The following RTL4 variants were observed in gnomAD, a reference collection of about 807,000 sequenced individuals.
The protein encoded by RTL4 is retrotransposon Gag like 4.
Under a neutral mutation model 5.3 loss-of-function variants are expected in RTL4, and 4 were observed. That is an observed-to-expected ratio of 0.75 (90% CI 0.37 to 1.72). The LOEUF is 1.72. RTL4 is among the 40% of genes most tolerant of loss of function. RTL4 has a pLI of 0.04. For synonymous variants in RTL4, 98 were observed against 87.3 expected (o/e 1.12, Z -0.68); for missense variants, 260 against 227.1 (o/e 1.14, Z -0.93).
the RTL4 span, among the ~76,000 whole-genome samples, chrX:112,130,216 C>CACTAGTTG: frequency 9.1e-6 from 1 of 109,653 alleles, no homozygotes; most frequent in East Asian, 2.8e-4. Context: ...GAAAAATCTG[C>CACTAGTTG]ACTAGTTGAT....
the RTL4 span, among the ~76,000 whole-genome samples, chrX:112,238,882 GCTATCCCATCC>G: frequency 9.0e-6 from 1 of 111,601 alleles, no homozygotes; most frequent in Non-Finnish European, 1.9e-5. Context: ...TAATGGAAAA[GCTATCCCATCC>G]CTCATGGTTT....
the RTL4 span, among the ~76,000 whole-genome samples, chrX:112,301,936 C>T: frequency 1.9e-5 from 2 of 106,634 alleles, no homozygotes; most frequent in Non-Finnish European, 3.9e-5. Context: ...AATGCTTTAG[C>T]CTGGGTGATA....
At chrX:112,389,071 G>A in the RTL4 span, among the ~76,000 whole-genome samples, 3 of 109,712 alleles carry the variant, frequency 2.7e-5, no homozygotes, top group Non-Finnish European at 5.7e-5. Flanking sequence ...CTTTTTGGTT[G>A]GTAAATTATT....
the RTL4 span, among the ~76,000 whole-genome samples, chrX:112,102,196 A>G: frequency 9.0e-6 from 1 of 111,527 alleles, no homozygotes; most frequent in Non-Finnish European, 1.9e-5. Flanking sequence ...ACAAGAATCT[A>G]ATGAAGTGGG....
chrX:112,303,620 G>T, the RTL4 span, among the ~76,000 whole-genome samples: 1 of 55,401 alleles, frequency 1.8e-5, no homozygotes, highest in Non-Finnish European at 3.0e-5. Flanking sequence ...GGTGGGGGGA[G>T]GGGGGAGGGA....
the RTL4 span, among the ~76,000 whole-genome samples, chrX:112,254,525 C>A: frequency 9.1e-6 from 1 of 110,460 alleles, no homozygotes; most frequent in Non-Finnish European, 1.9e-5. Context: ...ACGGGAGTTT[C>A]ACCAAGTTGG....
the RTL4 span, among the ~76,000 whole-genome samples, chrX:112,320,809 C>T: frequency 9.0e-6 from 1 of 111,434 alleles, no homozygotes; most frequent in Non-Finnish European, 1.9e-5. Context: ...TTCTTACCCA[C>T]CCCCCACATA....
the RTL4 span, among the ~76,000 whole-genome samples, chrX:112,187,356 CAAG>C: frequency 8.9e-6 from 1 of 111,840 alleles, no homozygotes; most frequent in East Asian, 2.8e-4. Context: ...GACATGAAAG[CAAG>C]AAGATCTAGG....
the RTL4 span, among the ~76,000 whole-genome samples, chrX:112,096,656 A>G: frequency 8.9e-6 from 1 of 111,912 alleles, no homozygotes; most frequent in African/African-American, 3.2e-5. Flanking sequence ...AATATGGTAT[A>G]GTCATTCCTA....
chrX:112,377,771 G>A, the RTL4 span, among the ~76,000 whole-genome samples: 1 of 111,674 alleles, frequency 9.0e-6, no homozygotes, highest in Non-Finnish European at 1.9e-5. Context: ...ACACACTATG[G>A]TATTCAAGAT....
the RTL4 span, among the ~76,000 whole-genome samples, chrX:112,124,344 C>A: frequency 9.0e-6 from 1 of 111,597 alleles, no homozygotes; most frequent in Non-Finnish European, 1.9e-5. Context: ...TAATATAAAT[C>A]ATTTTACTAT....
At chrX:112,231,684 C>A in the RTL4 span, among the ~76,000 whole-genome samples, 5 of 109,735 alleles carry the variant, frequency 4.6e-5, no homozygotes, top group Admixed American at 4.9e-4. Context: ...AACAAACCTG[C>A]ACATTGTGCA....
the RTL4 span, among the ~76,000 whole-genome samples, chrX:112,214,196 G>T: frequency 9.0e-6 from 1 of 111,319 alleles, no homozygotes; most frequent in African/African-American, 3.3e-5. Flanking sequence ...TCTAGAAACT[G>T]CCATTCTACT....
the RTL4 span, among the ~76,000 whole-genome samples, chrX:112,301,330 A>G: frequency 8.9e-6 from 1 of 112,278 alleles, no homozygotes; most frequent in African/African-American, 3.2e-5. Context: ...CATTTGTAAA[A>G]TGGGAATTAT....
the RTL4 span, among the ~76,000 whole-genome samples, chrX:112,122,170 G>A: frequency 9.0e-5 from 10 of 111,318 alleles, no homozygotes; most frequent in Non-Finnish European, 5.7e-5. Context: ...GCCAAAGTAT[G>A]GAATCAACCT....
At chrX:112,112,913 T>G in the RTL4 span, among the ~76,000 whole-genome samples, 54 of 111,729 alleles carry the variant, frequency 4.8e-4, no homozygotes, top group Non-Finnish European at 5.1e-4. Flanking sequence ...ACCATTCTGC[T>G]TTCTCTGGTA....
the RTL4 span, among the ~76,000 whole-genome samples, chrX:112,115,461 C>A: frequency 8.1e-5 from 9 of 111,465 alleles, no homozygotes; most frequent in South Asian, 1.1e-3. Flanking sequence ...AGGGCCATAC[C>A]CTGAGGGAAG....
the RTL4 span, among the ~76,000 whole-genome samples, chrX:112,113,500 G>A: frequency 9.0e-6 from 1 of 111,479 alleles, no homozygotes; most frequent in Non-Finnish European, 1.9e-5. Context: ...GTCCCGGACA[G>A]GAGAGTAACA....
the RTL4 span, among the ~76,000 whole-genome samples, chrX:112,366,504 G>T: frequency 0.34 from 37,497 of 110,158 alleles, 6,572 homozygotes; most frequent in African/African-American, 0.68. Flanking sequence ...GCAGAATGTG[G>T]GCTCATGTAA....
Sources: gnomAD v4.1 joint callset for allele counts (sites outside exome capture counted in the v4.1 genomes callset) on GRCh38, gnomAD v4.1.1 for gene constraint, MANE v1.5 for transcripts, NCBI Gene and HGNC (gene_info 2026-07-23, HGNC 2026-07-21) for gene names.